The following RIC3 variants were observed in gnomAD, a reference collection of about 807,000 sequenced individuals.
RIC3 encodes the protein protein RIC-3.
In RIC3, 28 loss-of-function variants were observed where a neutral mutation model predicts 27.3. The observed-to-expected ratio is 1.02, with a 90% CI of 0.76 to 1.41. The LOEUF (loss-of-function observed/expected upper bound fraction) is 1.41, where lower values mean the gene tolerates loss of function less well. Among genes scored for constraint, RIC3 ranks in the 40% most tolerant of loss-of-function variants. RIC3 has a pLI of 0.00. For missense variants in RIC3, 501 were observed against 444.7 expected (o/e 1.13, Z -1.14); for synonymous variants, 184 against 160.4 (o/e 1.15, Z -1.11).
chr11:8,159,034 G>C (rs1165359965), intron 1 of RIC3, among the ~76,000 whole-genome samples: 1 of 150,966 alleles, frequency 6.6e-6, no homozygotes, highest in Non-Finnish European at 1.5e-5. Flanking sequence ...CTCGGCCACA[G>C]AGCCTCCTTT....
intron 5 of RIC3, among the ~76,000 whole-genome samples, chr11:8,123,759 A>G (rs1236809352): frequency 1.3e-5 from 2 of 151,870 alleles, no homozygotes; most frequent in Non-Finnish European, 2.9e-5. Flanking sequence ...CTCCAGGCCA[A>G]CTGGGCACAG....
chr11:8,134,002 A>AT (rs995684318), intron 4 of RIC3, among the ~76,000 whole-genome samples: 15 of 149,970 alleles, frequency 1.0e-4, no homozygotes, highest in African/African-American at 3.7e-4. Context: ...TAATATATAT[A>AT]TTTTTTATTA....
chr11:8,143,812 T>C (rs1165552773), intron 1 of RIC3, among the ~76,000 whole-genome samples: 3 of 152,124 alleles, frequency 2.0e-5, no homozygotes, highest in Non-Finnish European at 4.4e-5. Context: ...AACAGCATGG[T>C]ACTGGTACCA....
intron 4 of RIC3, among the ~76,000 whole-genome samples, chr11:8,128,897 G>A (rs1008869468): frequency 1.6e-4 from 25 of 151,928 alleles, no homozygotes; most frequent in African/African-American, 6.0e-4. Context: ...TGGGACTACA[G>A]GCGCCAGCCA....
chr11:8,118,774 A>C (rs1946148159), intron 5 of RIC3, among the ~76,000 whole-genome samples: 1 of 151,944 alleles, frequency 6.6e-6, no homozygotes, highest in Admixed American at 6.6e-5. Context: ...AGGAGGCTGA[A>C]GCATGAGAAT....
chr11:8,149,607 G>A (rs1473929543), intron 1 of RIC3, among the ~76,000 whole-genome samples: 3 of 152,100 alleles, frequency 2.0e-5, no homozygotes, highest in Non-Finnish European at 2.9e-5. Flanking sequence ...TCACTGAGGT[G>A]GTGGCTAGAG....
chr11:8,102,959 CTTAGAAGCATCAGAG>C (rs1944368142), downstream of RIC3: 3 of 152,194 alleles, frequency 2.0e-5, no homozygotes, highest in Admixed American at 6.5e-5. Context: ...GATTCAGAGA[CTTAGAAGCATCAGAG>C]TTGATAAATT....
chr11:8,101,851 T>TAAAGATACGG, downstream of RIC3: 5 of 491,674 alleles, frequency 1.0e-5, no homozygotes, highest in Non-Finnish European at 1.3e-5. Context: ...AATAATTCTT[T>TAAAGATACGG]CCATGCCACG....
chr11:8,099,025 G>C, the RIC3 span: 6 of 666,242 alleles, frequency 9.0e-6, no homozygotes, highest in Non-Finnish European at 1.6e-5. Context: ...CCTGGCCTAG[G>C]ACAGGGGCTC....
At chr11:8,116,346 GA>G (rs1278248137) in intron 5 of RIC3, among the ~76,000 whole-genome samples, 2 of 152,126 alleles carry the variant, frequency 1.3e-5, no homozygotes, top group Non-Finnish European at 2.9e-5. Context: ...AAAACCTAGG[GA>G]AAAAGCTCCA....
At chr11:8,156,142 T>C (rs1950633450) in intron 1 of RIC3, among the ~76,000 whole-genome samples, 1 of 152,250 alleles carries the variant, frequency 6.6e-6, no homozygotes, top group African/African-American at 2.4e-5. Context: ...TCAATACACA[T>C]CAATTACCAC....
At chr11:8,167,381 G>A (rs997143236) in intron 1 of RIC3, among the ~76,000 whole-genome samples, 1 of 152,166 alleles carries the variant, frequency 6.6e-6, no homozygotes, top group Non-Finnish European at 1.5e-5. Flanking sequence ...GTCATCAGGG[G>A]AAGTCTCTCT....
downstream of RIC3, chr11:8,101,683 G>C (rs1045148821): frequency 6.3e-7 from 1 of 1,585,620 alleles, no homozygotes. Flanking sequence ...TGCCTGTGGA[G>C]ACAGCCCTGC....
chr11:8,137,551 C>A, intron 3 of RIC3, 80 bp from the exon 4 acceptor site: 1 of 1,056,870 alleles, frequency 9.5e-7, no homozygotes, highest in South Asian at 1.4e-5. Flanking sequence ...TTTTAAAAAG[C>A]TATTGTACTG....
chr11:8,151,208 C>G (rs1007796308), intron 1 of RIC3, among the ~76,000 whole-genome samples: 1 of 152,214 alleles, frequency 6.6e-6, no homozygotes, highest in African/African-American at 2.4e-5. Flanking sequence ...AGACAACCCA[C>G]TGAGTGGGAG....
chr11:8,155,740 A>C (rs1691044446), intron 1 of RIC3, among the ~76,000 whole-genome samples: 1 of 152,218 alleles, frequency 6.6e-6, no homozygotes, highest in African/African-American at 2.4e-5. Flanking sequence ...TGGGGCAAAT[A>C]AATCTATAAA....
At chr11:8,146,055 A>C (rs1949644045) in intron 1 of RIC3, among the ~76,000 whole-genome samples, 1 of 152,220 alleles carries the variant, frequency 6.6e-6, no homozygotes, top group African/African-American at 2.4e-5. Context: ...AATCTCAAAT[A>C]AGGTTATATA....
the RIC3 span, chr11:8,096,786 A>T: frequency 6.8e-6 from 11 of 1,614,180 alleles, no homozygotes; most frequent in Non-Finnish European, 9.3e-6. Context: ...CAGCTCTGCT[A>T]CTAGCAGGAA....
In RIC3 at chr11:8,107,159, CAA is replaced by C. The variant is rs1053803222; in HGVS notation, c.*3537_*3538del. On this transcript the variant is annotated 3_prime_UTR_variant, in exon 6 of 6. Coordinates refer to ENST00000309737, the MANE Select transcript of RIC3 (RefSeq NM_001206671.4). ...ATTTTAGAAAAGTCAATGGTCAAGG[CAA>C]AGTCATAAATGTGTTCATGTTTTTT... 21 of 152,316 alleles carry C rather than the reference CAA, an allele frequency of 1.4e-4. No individual in the cohort carries two copies. The highest frequency in any genetic ancestry group is 4.8e-4 in the African/African-American group (20 of 41,562). The allele number at this position is 152,316 out of a possible 1,614,324, so 9.4% of individuals were successfully genotyped here.
Sources: gnomAD v4.1 joint callset for allele counts (sites outside exome capture counted in the v4.1 genomes callset) on GRCh38, gnomAD v4.1.1 for gene constraint, MANE v1.5 for transcripts, NCBI Gene and HGNC (gene_info 2026-07-23, HGNC 2026-07-21) for gene names.